SLC9B1: variants seen among roughly 807,000 people sequenced by gnomAD.
SLC9B1 encodes the protein sodium/hydrogen exchanger 9B1.
A neutral mutation model predicts 51.7 loss-of-function variants in SLC9B1; 32 were observed. The observed-to-expected ratio is 0.62, with a 90% CI of 0.47 to 0.83. SLC9B1 has a LOEUF of 0.83. Among genes scored for constraint, SLC9B1 ranks in the 40% least tolerant of loss-of-function variants. The pLI, the probability that SLC9B1 is intolerant of heterozygous loss-of-function variation, is 0.00. For synonymous variants in SLC9B1, 145 were observed against 212.7 expected, an observed-to-expected ratio of 0.68 and a Z score of 2.77; for missense variants, 406 against 613.2, an observed-to-expected ratio of 0.66 and a Z score of 3.57.
rs1480050642 is a variant in SLC9B1 at position 102,919,466 on chromosome 4, C to T, written c.830-7929G>A. Among the ~76,000 whole-genome samples the T allele has an allele frequency of 5.3e-5, 8 of 151,880 alleles. No individual in the cohort carries two copies. In the South Asian group the frequency reaches 6.2e-4, roughly 12 times the overall value. ...CAAGATGGCCAAATAGGAACAGTTC[C>T]GGTCTGCAGCTCCCAGCATGATCGA... On this transcript the variant is annotated intron_variant, in intron 7 of 11. Coordinates refer to ENST00000296422, the MANE Select transcript of SLC9B1 (RefSeq NM_139173.4).
intron 1 of SLC9B1, among the ~76,000 whole-genome samples, chr4:103,016,414 A>T (rs1741342464): frequency 6.6e-6 from 1 of 152,084 alleles, no homozygotes; most frequent in Non-Finnish European, 1.5e-5. Flanking sequence ...ATAGTAAAAC[A>T]TCTTGAGATG....
chr4:102,957,912 T>G (rs1737892441), intron 3 of SLC9B1, among the ~76,000 whole-genome samples: 1 of 152,150 alleles, frequency 6.6e-6, no homozygotes, highest in Non-Finnish European at 1.5e-5. Flanking sequence ...GGATCAAAGT[T>G]GCTATATAAC....
chr4:102,966,903 A>G (rs1738459152), intron 3 of SLC9B1, among the ~76,000 whole-genome samples: 1 of 152,224 alleles, frequency 6.6e-6, no homozygotes, highest in Admixed American at 6.5e-5. Flanking sequence ...AGTAAGAAGT[A>G]ACTACATAGC....
At chr4:102,996,785 G>C (rs915451589) in intron 1 of SLC9B1, among the ~76,000 whole-genome samples, 1 of 151,550 alleles carries the variant, frequency 6.6e-6, no homozygotes, top group African/African-American at 2.4e-5. Flanking sequence ...CATTATGCTA[G>C]TGCTTGTATT....
intron 3 of SLC9B1, among the ~76,000 whole-genome samples, chr4:102,975,584 A>ATTTTTT (rs1466561136): frequency 0.015 from 1,186 of 79,778 alleles, 67 homozygotes; most frequent in African/African-American, 0.024. Flanking sequence ...ATATATATAT[A>ATTTTTT]TATTTTTTTT....
intron 11 of SLC9B1, among the ~76,000 whole-genome samples, chr4:102,903,671 G>A (rs1734891707): frequency 6.6e-6 from 1 of 152,234 alleles, no homozygotes; most frequent in African/African-American, 2.4e-5. Flanking sequence ...AGGAAATTAA[G>A]GTATATTATG....
intron 3 of SLC9B1, among the ~76,000 whole-genome samples, chr4:102,964,345 A>C (rs1738310516): frequency 6.6e-6 from 1 of 152,098 alleles, no homozygotes; most frequent in African/African-American, 2.4e-5. Context: ...TTCACTGGTG[A>C]ACTCTATCCA....
Position 103,010,150 on chromosome 4 carries a change from G to A in SLC9B1, c.-2+9449C>T, listed in dbSNP as rs180971361. On this transcript the variant is annotated intron_variant, in intron 1 of 11. Coordinates refer to ENST00000296422, the MANE Select transcript of SLC9B1 (RefSeq NM_139173.4). ...GTGTCTGTCTTAGGTCATTTTGTATGCTGTAACAGAATACCACAGATTGGA... is the reference window on the plus strand; with the variant it reads ...GTGTCTGTCTTAGGTCATTTTGTATACTGTAACAGAATACCACAGATTGGA... Among the ~76,000 whole-genome samples the A allele has an allele frequency of 2.4e-4, 37 of 152,226 alleles. 1 individual carries two copies. The highest frequency in any genetic ancestry group is 2.2e-3 in the Admixed American group (33 of 15,294).
At chr4:102,941,658 A>C (rs1427646295) in intron 6 of SLC9B1, among the ~76,000 whole-genome samples, 1 of 99,506 alleles carries the variant, frequency 1.0e-5, no homozygotes, top group African/African-American at 4.8e-5. Context: ...AAAAAAAAAA[A>C]AAACCCGAGA....
chr4:102,921,176 C>T (rs545631412), intron 7 of SLC9B1, among the ~76,000 whole-genome samples: 1 of 152,242 alleles, frequency 6.6e-6, no homozygotes. Flanking sequence ...GTCAGGTTAG[C>T]CAGAAAGGGA....
chr4:102,950,998 GAAAACAAAACAAAACAAAACAGAAAAC>G (rs1355817693), intron 3 of SLC9B1, among the ~76,000 whole-genome samples: 8 of 151,790 alleles, frequency 5.3e-5, no homozygotes, highest in Non-Finnish European at 1.0e-4. Flanking sequence ...TCCATCTCAA[GAAAACAAAACAAAACAAAACAGAAAAC>G]AAAACAAAAC....
At chr4:102,949,057 GTATA>G (rs1737411700) in intron 4 of SLC9B1, among the ~76,000 whole-genome samples, 196 bp downstream of exon 4, 1 of 151,998 alleles carries the variant, frequency 6.6e-6, no homozygotes, top group African/African-American at 2.4e-5. Flanking sequence ...AAACTTGTGT[GTATA>G]TATGTAGACA....
chr4:102,914,803 T>C (rs1268463721), intron 7 of SLC9B1, among the ~76,000 whole-genome samples: 1 of 151,442 alleles, frequency 6.6e-6, no homozygotes, highest in Non-Finnish European at 1.5e-5. Context: ...AAGAGAAAAA[T>C]AAAGGGGCAG....
In SLC9B1 at chr4:102,888,226, G is replaced by A. The variant is rs1281855330; in HGVS notation, c.1333-2898C>T. Reference sequence around the variant, plus strand: ...AAAATAGTTCAGTGTTCAAAATTGTGTTTATGTGGATATTTTTCTCTTTTT... The same window carrying A: ...AAAATAGTTCAGTGTTCAAAATTGTATTTATGTGGATATTTTTCTCTTTTT... On this transcript the variant is annotated intron_variant, in intron 11 of 11. Coordinates refer to the SLC9B1 transcript ENST00000394789. 5 of 152,134 alleles carry A rather than the reference G, an allele frequency of 3.3e-5. No homozygotes were observed. The East Asian group carries it at 9.6e-4, about 29-fold the overall frequency. The allele number at this position is 152,134 out of a possible 1,614,324, so 9.4% of individuals were successfully genotyped here.
At chr4:102,895,612 A>C (rs531544268) in intron 11 of SLC9B1, among the ~76,000 whole-genome samples, 3 of 152,326 alleles carry the variant, frequency 2.0e-5, no homozygotes, top group Non-Finnish European at 2.9e-5. Context: ...CACATAAGAA[A>C]ATTTTAAACA....
chr4:103,014,727 G>A (rs1297230430), intron 1 of SLC9B1: 1 of 152,164 alleles, frequency 6.6e-6, no homozygotes, highest in South Asian at 2.1e-4. Context: ...CCACCAGCCA[G>A]CCAATACTTT....
At chr4:102,959,108 A>T (rs1483151607) in intron 3 of SLC9B1, among the ~76,000 whole-genome samples, 12 of 152,158 alleles carry the variant, frequency 7.9e-5, no homozygotes, top group Non-Finnish European at 4.4e-5. Flanking sequence ...TAAAAAGGCA[A>T]CTATTACTGT....
At chr4:102,971,402 G>C (rs1442315697) in intron 3 of SLC9B1, among the ~76,000 whole-genome samples, 1 of 152,134 alleles carries the variant, frequency 6.6e-6, no homozygotes, top group Non-Finnish European at 1.5e-5. Context: ...GGTAAATAAT[G>C]AAATGAAGGC....
chr4:102,888,594 C>CTATT (rs1327474065), intron 11 of SLC9B1: 7 of 152,270 alleles, frequency 4.6e-5, no homozygotes, highest in African/African-American at 1.7e-4. Flanking sequence ...TTTAATCCTA[C>CTATT]TATTATGAAT....
Sources: allele counts gnomAD v4.1 joint callset (sites outside exome capture counted in the v4.1 genomes callset), GRCh38; gene constraint gnomAD v4.1.1; transcripts MANE v1.5; gene names NCBI Gene and HGNC (gene_info 2026-07-23, HGNC 2026-07-21).